Variants in TSPAN14 observed in about 807,000 individuals in gnomAD.
The protein encoded by TSPAN14 is tetraspanin 14, also known as tetraspanin-14.
A neutral mutation model predicts 36.6 loss-of-function variants in TSPAN14; 16 were observed. The ratio of observed to expected loss-of-function variants is 0.44; its 90% CI spans 0.30 to 0.66. The LOEUF (loss-of-function observed/expected upper bound fraction) is 0.66, where lower values mean the gene tolerates loss of function less well. TSPAN14 is among the 30% of genes least tolerant of loss of function. The pLI is 0.12. For missense variants in TSPAN14, 231 were observed against 355.1 expected (o/e 0.65, Z 2.81); for synonymous variants, 139 against 143.8 (o/e 0.97, Z 0.24).
At chr10:80,479,678 C>G (rs1847137427) in intron 1 of TSPAN14, among the ~76,000 whole-genome samples, 1 of 152,156 alleles carries the variant, frequency 6.6e-6, no homozygotes, top group Admixed American at 6.5e-5. Context: ...CAGTACCATG[C>G]TGTTTTGGTT....
chr10:80,455,658 G>T (rs529372649), intron 1 of TSPAN14, among the ~76,000 whole-genome samples: 1 of 152,290 alleles, frequency 6.6e-6, no homozygotes, highest in South Asian at 2.1e-4. Flanking sequence ...CCACATTTCA[G>T]CTAGCCGAGT....
chr10:80,505,590 G>A (rs1000807675), intron 3 of TSPAN14, among the ~76,000 whole-genome samples: 2 of 152,224 alleles, frequency 1.3e-5, no homozygotes, highest in Non-Finnish European at 2.9e-5. Context: ...AGGTCTACAG[G>A]CTTTCCTGCC....
chr10:80,464,714 T>A (rs1352350185), intron 1 of TSPAN14, among the ~76,000 whole-genome samples: 1 of 152,136 alleles, frequency 6.6e-6, no homozygotes, highest in East Asian at 1.9e-4. Context: ...TGGGCCTGGG[T>A]CCTTGGTAGC....
chr10:80,509,247 G>A lies in TSPAN14; in HGVS notation c.280-54G>A. The A allele has an allele frequency of 6.4e-7, 1 of 1,573,606 alleles. No homozygotes were observed. Among genetic ancestry groups the A allele is most frequent in the Non-Finnish European group, 8.7e-7 (1 of 1,154,028 alleles). On this transcript the variant is annotated intron_variant, in intron 4 of 8. Transcript: ENST00000429989. This position sits in a 1 kb window ranked among gnomAD's most constrained non-coding sequence, Gnocchi z 4.7. The stretch of plus-strand genomic sequence containing the variant: ...CTGGGTCAGGTGGGGTTATGTGTGT[G>A]GGGGTGCAGGCTGGTGGGGTGGTGA...
At chr10:80,516,484 C>T (rs985005424) in intron 8 of TSPAN14, among the ~76,000 whole-genome samples, 161 bp downstream of exon 8, 7 of 152,068 alleles carry the variant, frequency 4.6e-5, no homozygotes, top group East Asian at 1.9e-4. Context: ...AGAGTGTATG[C>T]GTGTAAGTGT....
At chr10:80,508,541 C>A (rs1289749944) in intron 4 of TSPAN14, among the ~76,000 whole-genome samples, 1 of 152,138 alleles carries the variant, frequency 6.6e-6, no homozygotes, top group Non-Finnish European at 1.5e-5. Flanking sequence ...TGGGAGTCTG[C>A]CCTGATGGGA....
chr10:80,471,202 G>T (rs907361750), intron 1 of TSPAN14, among the ~76,000 whole-genome samples: 1 of 152,060 alleles, frequency 6.6e-6, no homozygotes, highest in Admixed American at 6.6e-5. Flanking sequence ...CTCATTCTCG[G>T]TGTCTTACAT....
At position 80,496,766 on chromosome 10, in the gene TSPAN14, C is replaced by T. The variant is rs184066501; in HGVS notation, c.81+7452C>T. ...GGCTGTTAAACCCATCTAGTGAAGT[C>T]TTCAATTCTAATATTGTAGTTTCTA... On this transcript the variant is annotated intron_variant, in intron 2 of 8. Coordinates refer to ENST00000429989, the Ensembl canonical transcript of TSPAN14. 6.0e-5 allele frequency among the ~76,000 whole-genome samples: 9 copies of T among 151,104 alleles called. No individual in the cohort carries two copies. In the East Asian group the frequency reaches 1.7e-3, roughly 29 times the overall value.
rs147322243 is a variant in TSPAN14, at chr10:80,485,520, C to A, written c.-17-3697C>A. The A allele has an allele frequency of 6.9e-4, 354 of 513,174 alleles. 2 individuals carry two copies. In the African/African-American group the frequency reaches 6.9e-3, roughly 10 times the overall value. The allele number at this position is 513,174 out of a possible 1,614,324, so 31.8% of individuals were successfully genotyped here. A position where few individuals can be genotyped will look rare whatever the true frequency, so the allele number is the denominator to read the frequency against. ...GTTGTGCAGCTCCATCATTACCCCT[C>A]CACAGTCAGAAGGCCACCTTACACT... is the stretch of plus-strand genomic sequence containing the variant. On this transcript the variant is annotated intron_variant, in intron 1 of 8. Coordinates refer to ENST00000429989, the Ensembl canonical transcript of TSPAN14.
chr10:80,506,559 C>A (rs1840313552), intron 3 of TSPAN14, among the ~76,000 whole-genome samples: 1 of 152,192 alleles, frequency 6.6e-6, no homozygotes, highest in Non-Finnish European at 1.5e-5. Flanking sequence ...GGCTTAGCTT[C>A]CCCCTTGGCG....
Position 80,509,258 on chromosome 10 carries a change from C to T in TSPAN14, c.280-43C>T. 1 of 1,593,288 alleles carries T rather than the reference C, an allele frequency of 6.3e-7. No homozygotes were observed. Among genetic ancestry groups the T allele is most frequent in the Non-Finnish European group, 8.6e-7 (1 of 1,168,234 alleles). ...GGGGTTATGTGTGTGGGGGTGCAGG[C>T]TGGTGGGGTGGTGACTTCTGCTCCC... On this transcript the variant is annotated intron_variant, in intron 4 of 8. Coordinates refer to ENST00000429989, the Ensembl canonical transcript of TSPAN14. The surrounding 1 kb of genome is among the most constrained non-coding windows in gnomAD (Gnocchi z 4.7).
At chr10:80,520,587 C>T (rs1188512964) in exon 9 of TSPAN14, 1 of 532,334 alleles carries the variant, frequency 1.9e-6, no homozygotes, top group South Asian at 1.4e-5. Flanking sequence ...CCTCCTCAAC[C>T]CTGGTCCACC....
intron 2 of TSPAN14, among the ~76,000 whole-genome samples, chr10:80,504,413 G>T (rs1840175780): frequency 6.6e-6 from 1 of 152,230 alleles, no homozygotes; most frequent in African/African-American, 2.4e-5. Flanking sequence ...ACTGAAATGA[G>T]TTCAGGGTTG....
At chr10:80,499,905 G>A (rs1336479279) in intron 2 of TSPAN14, among the ~76,000 whole-genome samples, 1 of 121,306 alleles carries the variant, frequency 8.2e-6, no homozygotes, top group Non-Finnish European at 1.9e-5. Flanking sequence ...ATTAGGTCAT[G>A]GGAGGGAGAC....
At chr10:80,502,783 C>T (rs1404281646) in intron 2 of TSPAN14, among the ~76,000 whole-genome samples, 3 of 152,108 alleles carry the variant, frequency 2.0e-5, no homozygotes, top group African/African-American at 7.2e-5. Context: ...CAGGACTGGA[C>T]ATCTGAGTGT....
chr10:80,486,906 G>GA (rs568359004), intron 1 of TSPAN14, among the ~76,000 whole-genome samples: 45 of 151,710 alleles, frequency 3.0e-4, no homozygotes, highest in Middle Eastern at 3.2e-3. Context: ...CCCCTGAAGG[G>GA]AAAAAAAAGA....
chr10:80,469,980 A>G (rs983909182), intron 1 of TSPAN14, among the ~76,000 whole-genome samples: 5 of 152,204 alleles, frequency 3.3e-5, no homozygotes, highest in African/African-American at 1.2e-4. Context: ...GTGTTTGCAT[A>G]TAACCTATGT....
At chr10:80,474,765 C>T (rs1438656163) in intron 1 of TSPAN14, among the ~76,000 whole-genome samples, 1 of 152,186 alleles carries the variant, frequency 6.6e-6, no homozygotes, top group African/African-American at 2.4e-5. Context: ...ATGGTTTGAG[C>T]CTGGCCTTCC....
intron 5 of TSPAN14, among the ~76,000 whole-genome samples, chr10:80,511,911 G>A (rs914904573): frequency 2.0e-5 from 3 of 151,508 alleles, no homozygotes; most frequent in Non-Finnish European, 4.4e-5. Context: ...TCAACCTCCC[G>A]AGTCACTGAG....
Sources: gnomAD v4.1 joint callset for allele counts (sites outside exome capture counted in the v4.1 genomes callset) on GRCh38, gnomAD v4.1.1 for gene constraint, Gnocchi (gnomAD v3.1) non-coding constraint, MANE v1.5 for transcripts, NCBI Gene and HGNC (gene_info 2026-07-23, HGNC 2026-07-21) for gene names.